Variants in SLC25A16 observed in about 807,000 individuals in gnomAD.
The protein encoded by SLC25A16 is solute carrier family 25 member 16, also known as mitochondrial coenzyme A transporter SLC25A16.
In SLC25A16, 39 loss-of-function variants were observed where a neutral mutation model predicts 41.5. The observed-to-expected ratio is 0.94, with a 90% CI of 0.73 to 1.23. SLC25A16 has a LOEUF of 1.23. Ranked by LOEUF, SLC25A16 falls within the 50% of genes most tolerant of loss-of-function variation. SLC25A16 has a pLI of 0.00. For synonymous variants in SLC25A16, 146 were observed against 147.8 expected (o/e 0.99, Z 0.09); for missense variants, 421 against 426.9 (o/e 0.99, Z 0.12).
chr10:68,527,162 C>A, intron 1 of SLC25A16, 84 bp downstream of exon 1: 1 of 1,428,546 alleles, frequency 7.0e-7, no homozygotes, highest in Non-Finnish European at 9.4e-7. Context: ...CCAGGAATGT[C>A]ATAGAGGCCG....
At chr10:68,515,420 G>T (rs2053145140) in intron 2 of SLC25A16, among the ~76,000 whole-genome samples, 1 of 150,412 alleles carries the variant, frequency 6.6e-6, no homozygotes, top group East Asian at 2.0e-4. Context: ...TTTCTAGAAT[G>T]CTTTTTAAAT....
In SLC25A16 at chr10:68,506,684, T is replaced by G; in HGVS notation, c.258A>C (p.Lys86Asn). Reference protein sequence around the residue: ...VFSALRAVPQKEGFLGLYKGN... With the variant: ...VFSALRAVPQNEGFLGLYKGN... ...CTTTATACAATCCAAGGAATCCTTCTTTTTGAGGAACAGCACGCAATGCAG... is the reference window on the plus strand; with the variant it reads ...CTTTATACAATCCAAGGAATCCTTCGTTTTGAGGAACAGCACGCAATGCAG... The change falls in exon 3 of 9, where the codon AAA becomes AAC. Residue 86 changes from lysine (K) to asparagine (N), a missense_variant. Lys to Asn is a moderately conservative substitution (Grantham distance 94). Coordinates refer to ENST00000609923, the MANE Select transcript of SLC25A16 (RefSeq NM_152707.4). The G allele has an allele frequency of 6.3e-7, 1 of 1,594,748 alleles. No individual in the cohort carries two copies. Among genetic ancestry groups the G allele is most frequent in the Non-Finnish European group, 8.5e-7 (1 of 1,169,946 alleles).
At position 68,515,131 on chromosome 10, in the gene SLC25A16, C is replaced by A. The variant is rs534804131; in HGVS notation, c.223+1620G>T. 2.9e-3 allele frequency among the ~76,000 whole-genome samples: 441 copies of A among 149,884 alleles called. 3 individuals carry two copies. The highest frequency in any genetic ancestry group is 1.0e-2 in the African/African-American group (409 of 40,946). On this transcript the variant is annotated intron_variant, in intron 2 of 8. Coordinates refer to ENST00000609923, the MANE Select transcript of SLC25A16 (RefSeq NM_152707.4). ...CAGCACTTTGGGAGGCCGAGGCAGG[C>A]AGATCACCTGAGGTCGGGAGTTCGA...
At chr10:68,512,353 A>AATTCACTCCTGGATATGAAGATAG (rs1554920478) in intron 2 of SLC25A16, among the ~76,000 whole-genome samples, 3,633 of 142,800 alleles carry the variant, frequency 0.025, 244 homozygotes, top group South Asian at 0.11. Context: ...GATAAATGAT[A>AATTCACTCCTGGATATGAAGATAG]TTGGCCGGGC....
At chr10:68,516,400 TA>T (rs201988518) in intron 2 of SLC25A16, among the ~76,000 whole-genome samples, 36 of 147,288 alleles carry the variant, frequency 2.4e-4, no homozygotes, top group African/African-American at 7.7e-4. Context: ...CTGGGGAAGG[TA>T]AAAAAAAAAC....
intron 1 of SLC25A16, among the ~76,000 whole-genome samples, chr10:68,526,189 A>T (rs1317638194): frequency 1.4e-4 from 21 of 151,324 alleles, no homozygotes; most frequent in African/African-American, 5.1e-4. Flanking sequence ...TGGGCAATGG[A>T]ATGTCTCGGT....
At chr10:68,511,978 T>C (rs1232073800) in intron 2 of SLC25A16, among the ~76,000 whole-genome samples, 1 of 152,126 alleles carries the variant, frequency 6.6e-6, no homozygotes, top group Non-Finnish European at 1.5e-5. Context: ...TGCCTCAGCC[T>C]CCTTAGTAGC....
At chr10:68,484,108 C>T (rs2052520855) in intron 8 of SLC25A16, among the ~76,000 whole-genome samples, 1 of 152,222 alleles carries the variant, frequency 6.6e-6, no homozygotes, top group Non-Finnish European at 1.5e-5. Flanking sequence ...TTTCAGGACT[C>T]ATTAGTACAA....
At position 68,478,732 on chromosome 10, in the gene SLC25A16, T is replaced by C. The variant is rs149949798; in HGVS notation, c.*4700A>G. On this transcript the variant is annotated 3_prime_UTR_variant, in exon 9 of 9. Transcript: ENST00000609923. ...TATATATATATGATATGTATACATA[T>C]ATTTTTTATTTTATATATTCATTTA... 4 of 150,336 alleles carry C rather than the reference T, an allele frequency of 2.7e-5. No homozygotes were observed. Among genetic ancestry groups the C allele is most frequent in the Admixed American group, 6.7e-5 (1 of 15,034 alleles). 9.3% of individuals were successfully genotyped at this position (150,336 alleles called of 1,614,324 possible).
chr10:68,519,534 G>T (rs1285721833), intron 1 of SLC25A16, among the ~76,000 whole-genome samples: 3 of 151,652 alleles, frequency 2.0e-5, no homozygotes, highest in Non-Finnish European at 4.4e-5. Context: ...AAAATTATGG[G>T]TAAACTAAAA....
rs71019019 is a variant in SLC25A16, at chr10:68,507,070, C to CTTTTT, written c.224-357_224-353dup. On this transcript the variant is annotated intron_variant, in intron 2 of 8. Coordinates refer to ENST00000609923, the MANE Select transcript of SLC25A16 (RefSeq NM_152707.4). ...AGGTTTGCACTAAAGATGACCTACT[C>CTTTTT]TTTTTTTTTTTTTTTTTTTTTGAGA... is the stretch of plus-strand genomic sequence containing the variant. 1.2e-3 allele frequency among the ~76,000 whole-genome samples: 142 copies of CTTTTT among 115,548 alleles called. 1 individual carries two copies. Among genetic ancestry groups the CTTTTT allele is most frequent in the Non-Finnish European group, 1.6e-3 (90 of 57,444 alleles). 75.8% of individuals were successfully genotyped at this position (115,548 alleles called of 152,430 possible).
At chr10:68,518,318 C>T (rs9414980) in intron 1 of SLC25A16, 11,593 of 148,804 alleles carry the variant, frequency 0.078, 640 homozygotes, top group African/African-American at 0.16. Context: ...CTGGGGAGGC[C>T]GAGGAAGAAG....
In SLC25A16 at chr10:68,488,583, G is replaced by A; in HGVS notation, c.657C>T (p.Ser219=). 1 of 1,611,422 alleles carries A rather than the reference G, an allele frequency of 6.2e-7. No individual in the cohort carries two copies. The highest frequency in any genetic ancestry group is 8.5e-7 in the Non-Finnish European group (1 of 1,179,392). Residue 219 remains serine (S), a synonymous_variant, in exon 7 of 9, where the codon TCC becomes TCT. Transcript: ENST00000609923. ...GTCTGCCAAGAAGGGTAGGAGCATG[G>A]GAAAGCCCAACACTCTTCAAGGTAC... ...TFGTLKSVGL[S]HAPTLLGRPS...
chr10:68,522,814 CAAAAAAAA>C (rs58143466), intron 1 of SLC25A16, among the ~76,000 whole-genome samples: 55 of 65,458 alleles, frequency 8.4e-4, no homozygotes, highest in Non-Finnish European at 1.1e-3. Context: ...GATTCCTTCT[CAAAAAAAA>C]AAAAAAAAAA....
At chr10:68,493,065 G>GAAAA in intron 6 of SLC25A16, 67 bp downstream of exon 6, 6 of 772,418 alleles carry the variant, frequency 7.8e-6, no homozygotes, top group Non-Finnish European at 1.0e-5. Context: ...TACCATTTCA[G>GAAAA]AAAAAAAAAA....
chr10:68,521,640 C>A (rs1054398489), intron 1 of SLC25A16, among the ~76,000 whole-genome samples: 1 of 135,294 alleles, frequency 7.4e-6, no homozygotes, highest in Non-Finnish European at 1.5e-5. Context: ...GTCGCCCAGG[C>A]TGGAGTGCAG....
rs566440798 is a variant in SLC25A16 at position 68,497,995 on chromosome 10, C to A, written c.422-4425G>T. ...GGCTCAAGCAATCCTCCCTCCTTAG[C>A]CTCCCAAAGAACTGGGTTTATAGAG... is the stretch of plus-strand genomic sequence containing the variant. On this transcript the variant is annotated intron_variant, in intron 4 of 8. Transcript: ENST00000609923. 8.5e-5 allele frequency among the ~76,000 whole-genome samples: 13 copies of A among 152,212 alleles called. No homozygotes were observed. In the South Asian group the frequency reaches 2.7e-3, roughly 32 times the overall value.
At chr10:68,487,843 T>C (rs1305030436) in intron 7 of SLC25A16, among the ~76,000 whole-genome samples, 8 of 151,394 alleles carry the variant, frequency 5.3e-5, no homozygotes, top group African/African-American at 2.0e-4. Flanking sequence ...AAATACACAA[T>C]ATACAAATGC....
In SLC25A16 at chr10:68,493,486, G is replaced by A; in HGVS notation, c.506C>T (p.Thr169Ile). The A allele has an allele frequency of 1.2e-6, 2 of 1,613,270 alleles. No homozygotes were observed. The highest frequency in any genetic ancestry group is 1.7e-6 in the Non-Finnish European group (2 of 1,179,330). ...TGTTTTGAAAGCATGAATAATTCCT[G>A]TATAGCTGTGTTCCCCTTTCACCTG... Reference protein sequence around the residue: ...AFQVKGEHSYTGIIHAFKTIY... With the variant: ...AFQVKGEHSYIGIIHAFKTIY... Residue 169 changes from threonine (T) to isoleucine (I), a missense_variant, in exon 5 of 9, where the codon ACA becomes ATA. Transcript: ENST00000609923.
Sources: allele counts gnomAD v4.1 joint callset (sites outside exome capture counted in the v4.1 genomes callset), GRCh38; gene constraint gnomAD v4.1.1; transcripts MANE v1.5; gene names NCBI Gene and HGNC (gene_info 2026-07-23, HGNC 2026-07-21).